THADA: variants seen among roughly 807,000 people sequenced by gnomAD.
THADA encodes THADA armadillo repeat containing.
THADA carries 213 observed loss-of-function variants against 219.8 expected under a neutral mutation model. The ratio of observed to expected loss-of-function variants is 0.97; its 90% CI spans 0.87 to 1.09. The LOEUF is 1.09. Among genes scored for constraint, THADA ranks in the 50% least tolerant of loss-of-function variants. THADA has a pLI of 0.00. For synonymous variants in THADA, 1,018 were observed against 828.9 expected (o/e 1.23, Z -3.92); for missense variants, 2,956 against 2,311.3 (o/e 1.28, Z -5.72).
At chr2:43,542,957 G>A (rs1695516098) in intron 20 of THADA, among the ~76,000 whole-genome samples, 1 of 151,494 alleles carries the variant, frequency 6.6e-6, no homozygotes, top group Admixed American at 6.6e-5. Context: ...ATGCTGGTGT[G>A]CTGCACCCAT....
At chr2:43,578,852 A>G (rs1267299988) in intron 8 of THADA, among the ~76,000 whole-genome samples, 3 of 152,202 alleles carry the variant, frequency 2.0e-5, no homozygotes, top group Non-Finnish European at 2.9e-5. Flanking sequence ...AACGCTTTTT[A>G]GAAGGAGTCT....
intron 36 of THADA, among the ~76,000 whole-genome samples, chr2:43,251,662 C>G (rs1156767242): frequency 1.3e-5 from 2 of 152,226 alleles, no homozygotes; most frequent in African/African-American, 2.4e-5. Context: ...ATGCCTAGCA[C>G]CAGCCCACAG....
At chr2:43,429,566 C>T (rs1678966454) in intron 27 of THADA, among the ~76,000 whole-genome samples, 1 of 151,884 alleles carries the variant, frequency 6.6e-6, no homozygotes, top group Non-Finnish European at 1.5e-5. Context: ...TATAGTTTCA[C>T]AATGGTAAGT....
chr2:43,454,452 A>C (rs1682737498), intron 26 of THADA, among the ~76,000 whole-genome samples: 1 of 152,004 alleles, frequency 6.6e-6, no homozygotes, highest in Non-Finnish European at 1.5e-5. Context: ...AAATACAAAA[A>C]TCAGCCAGGT....
At chr2:43,432,951 A>C (rs369456119) in intron 26 of THADA, among the ~76,000 whole-genome samples, 2 of 152,098 alleles carry the variant, frequency 1.3e-5, no homozygotes, top group East Asian at 3.8e-4. Flanking sequence ...TCTTTTGATG[A>C]GGAGAATTTT....
chr2:43,279,623 G>T (rs932008299), intron 36 of THADA, 142 bp downstream of exon 36: 1 of 1,076,838 alleles, frequency 9.3e-7, no homozygotes, highest in African/African-American at 1.7e-5. Flanking sequence ...TACTGTTTGT[G>T]GCTTTCCCAC....
chr2:43,280,038 A>G, intron 35 of THADA, 142 bp from the exon 36 acceptor site: 1 of 891,908 alleles, frequency 1.1e-6, no homozygotes, highest in Non-Finnish European at 1.6e-6. Flanking sequence ...TTAAGATAGA[A>G]AGAGTGTTAG....
intron 35 of THADA, among the ~76,000 whole-genome samples, chr2:43,282,911 C>A (rs568795614): frequency 6.6e-6 from 1 of 152,152 alleles, no homozygotes; most frequent in African/African-American, 2.4e-5. Context: ...ATCTGTACAT[C>A]CATTTAATTT....
intron 29 of THADA, among the ~76,000 whole-genome samples, chr2:43,383,382 C>T (rs956320480): frequency 6.6e-6 from 1 of 152,148 alleles, no homozygotes; most frequent in Non-Finnish European, 1.5e-5. Context: ...AGCTAGAACA[C>T]AAAGCTATAT....
intron 31 of THADA, among the ~76,000 whole-genome samples, chr2:43,301,558 T>C (rs2104407361): frequency 6.6e-6 from 1 of 152,302 alleles, no homozygotes; most frequent in Middle Eastern, 3.4e-3. Flanking sequence ...GGTCTCTAGG[T>C]GGAACAGAAG....
intron 36 of THADA, among the ~76,000 whole-genome samples, chr2:43,264,966 C>T (rs1414776514): frequency 1.3e-5 from 2 of 152,226 alleles, no homozygotes; most frequent in Admixed American, 6.5e-5. Flanking sequence ...GATGGAAGGG[C>T]GATGGGGACC....
At chr2:43,449,599 C>T (rs1029150133) in intron 26 of THADA, among the ~76,000 whole-genome samples, 2 of 152,064 alleles carry the variant, frequency 1.3e-5, no homozygotes, top group African/African-American at 4.8e-5. Context: ...GAGACCCCAT[C>T]TCTACAAAGA....
intron 29 of THADA, among the ~76,000 whole-genome samples, chr2:43,369,958 A>T (rs1255567648): frequency 6.6e-6 from 1 of 152,196 alleles, no homozygotes; most frequent in Admixed American, 6.5e-5. Flanking sequence ...TGTCTCCCCA[A>T]CCATGCTGTA....
At position 43,571,745 on chromosome 2, in the gene THADA, G is replaced by C. The variant is rs1321066204; in HGVS notation, c.2026C>G (p.Pro676Ala). 6.2e-7 allele frequency: 1 copy of C among 1,613,728 alleles called. No homozygotes were observed. The highest frequency in any genetic ancestry group is 1.3e-5 in the African/African-American group (1 of 74,892). The stretch of plus-strand genomic sequence containing the variant: ...GAACAGATCTGTTGCCGCACTCCTG[G>C]AGACTGGCTGTTAAGATTGTATGTA... ...FITYNLNSQS[P>A]GVRQQICSLL... The change falls in exon 13 of 38, where the codon CCA (proline) becomes GCA (alanine). Residue 676 changes from proline to alanine, a missense_variant. Physicochemically the swap from Pro to Ala is conservative, Grantham distance 27. Coordinates refer to ENST00000405975, the MANE Select transcript of THADA (RefSeq NM_022065.5).
chr2:43,525,625 G>A (rs909615756), intron 22 of THADA, among the ~76,000 whole-genome samples: 1 of 152,194 alleles, frequency 6.6e-6, no homozygotes, highest in Non-Finnish European at 1.5e-5. Flanking sequence ...TGCGAGTGAA[G>A]TTGTCTTAGG....
intron 26 of THADA, among the ~76,000 whole-genome samples, chr2:43,454,860 T>C (rs1397857510): frequency 6.6e-6 from 1 of 152,168 alleles, no homozygotes; most frequent in East Asian, 1.9e-4. Context: ...CCTCAGAATT[T>C]TGAAGGCAAT....
intron 29 of THADA, among the ~76,000 whole-genome samples, chr2:43,372,751 GTATT>G (rs1670950830): frequency 1.3e-5 from 2 of 152,222 alleles, no homozygotes; most frequent in South Asian, 2.1e-4. Context: ...AGTCTAATAA[GTATT>G]TATTTATTTT....
chr2:43,428,878 T>TATTTAAC (rs1425391982), intron 27 of THADA, among the ~76,000 whole-genome samples: 3 of 152,170 alleles, frequency 2.0e-5, no homozygotes, highest in Non-Finnish European at 4.4e-5. Context: ...CATCCAAATG[T>TATTTAAC]ATTTAAGAAA....
chr2:43,326,335 T>C (rs950855679), intron 30 of THADA, among the ~76,000 whole-genome samples: 11 of 151,476 alleles, frequency 7.3e-5, no homozygotes, highest in African/African-American at 2.4e-4. Flanking sequence ...GGGGAGGAGG[T>C]AGACCTGGGC....
Sources: allele counts gnomAD v4.1 joint callset (sites outside exome capture counted in the v4.1 genomes callset), GRCh38; gene constraint gnomAD v4.1.1; transcripts MANE v1.5; gene names NCBI Gene and HGNC (gene_info 2026-07-23, HGNC 2026-07-21).